IL1RAPL1: variants seen among roughly 807,000 people sequenced by gnomAD.
IL1RAPL1 encodes the protein interleukin-1 receptor accessory protein-like 1.
In IL1RAPL1, 3 loss-of-function variants were observed where a neutral mutation model predicts 48.4. The observed-to-expected ratio is 0.06, with a 90% confidence interval of 0.03 to 0.16. The LOEUF (loss-of-function observed/expected upper bound fraction) is 0.16. Among genes scored for constraint, IL1RAPL1 ranks in the 10% least tolerant of loss-of-function variants. The pLI is 1.00. For synonymous variants in IL1RAPL1, 185 were observed against 187.7 expected (o/e 0.99, Z 0.12); for missense variants, 349 against 530.6 (o/e 0.66, Z 3.36).
chrX:29,257,394 T>G (rs1931775659), intron 2 of IL1RAPL1, among the ~76,000 whole-genome samples: 1 of 111,866 alleles, frequency 8.9e-6, no homozygotes, highest in Admixed American at 9.5e-5. Flanking sequence ...TGCATTTATC[T>G]ATTTACATCT....
intron 2 of IL1RAPL1, among the ~76,000 whole-genome samples, chrX:29,170,472 C>G (rs1199717420): frequency 9.0e-6 from 1 of 111,502 alleles, no homozygotes; most frequent in Non-Finnish European, 1.9e-5. Context: ...GACTTGCAAC[C>G]TGTTTTTCTG....
chrX:28,757,113 T>G lies in IL1RAPL1; in HGVS notation c.-24-32207T>G, dbSNP rs975695600. Among the ~76,000 whole-genome samples, 7 of 112,608 alleles carry G rather than the reference T, an allele frequency of 6.2e-5. No homozygotes were observed. The Admixed American group carries it at 6.6e-4, about 11-fold the overall frequency. Reference sequence around the variant, plus strand: ...CCCATGAAGGAAGTTATTTCTTTCTTTATCCTTCAATTTCTTTACCTTGCA... The same window carrying G: ...CCCATGAAGGAAGTTATTTCTTTCTGTATCCTTCAATTTCTTTACCTTGCA... On this transcript the variant is annotated intron_variant, in intron 1 of 10. Coordinates refer to ENST00000378993, the MANE Select transcript of IL1RAPL1 (RefSeq NM_014271.4).
At chrX:29,498,759 T>C (rs986398950) in intron 5 of IL1RAPL1, among the ~76,000 whole-genome samples, 1 of 111,832 alleles carries the variant, frequency 8.9e-6, no homozygotes, top group African/African-American at 3.2e-5. Context: ...AATAAACATA[T>C]TGTTTTTTGT....
At chrX:29,825,557 C>T (rs371696284) in intron 6 of IL1RAPL1, among the ~76,000 whole-genome samples, 2 of 111,506 alleles carry the variant, frequency 1.8e-5, no homozygotes, top group South Asian at 7.5e-4. Context: ...AGCTCAACAG[C>T]GGATGCTCTG....
At chrX:29,071,278 T>G (rs1045678942) in intron 2 of IL1RAPL1, among the ~76,000 whole-genome samples, 2 of 111,440 alleles carry the variant, frequency 1.8e-5, no homozygotes, top group African/African-American at 6.5e-5. Flanking sequence ...AAAGAGTTGT[T>G]TGTTTTTCAA....
chrX:28,876,484 T>C (rs941704491), intron 2 of IL1RAPL1, among the ~76,000 whole-genome samples: 10 of 111,376 alleles, frequency 9.0e-5, no homozygotes, highest in Non-Finnish European at 1.9e-4. Flanking sequence ...GAGGAACAAA[T>C]TAGCCATCAG....
intron 3 of IL1RAPL1, among the ~76,000 whole-genome samples, chrX:29,297,464 T>G (rs1932466090): frequency 8.9e-6 from 1 of 112,579 alleles, no homozygotes; most frequent in African/African-American, 3.2e-5. Context: ...TATTTAATTT[T>G]AAATAGCCAC....
intron 3 of IL1RAPL1, among the ~76,000 whole-genome samples, chrX:29,364,473 G>A (rs1037680372): frequency 9.5e-6 from 1 of 105,782 alleles, no homozygotes; most frequent in Non-Finnish European, 1.9e-5. Context: ...TTAGGCAGGA[G>A]AGTTGCTTGA....
chrX:28,785,942 G>A (rs1936468451), intron 1 of IL1RAPL1, among the ~76,000 whole-genome samples: 2 of 111,517 alleles, frequency 1.8e-5, no homozygotes, highest in South Asian at 7.4e-4. Context: ...AAATTGAACT[G>A]CATATAATAG....
chrX:29,949,236 A>T (rs66495425), intron 9 of IL1RAPL1, among the ~76,000 whole-genome samples: 22,505 of 111,126 alleles, frequency 0.2, 1,862 homozygotes, highest in African/African-American at 0.29. Context: ...TTTTAAATTC[A>T]TATTTTTTAT....
At chrX:28,795,753 G>C (rs955947440) in intron 2 of IL1RAPL1, among the ~76,000 whole-genome samples, 9 of 110,531 alleles carry the variant, frequency 8.1e-5, no homozygotes, top group African/African-American at 2.6e-4. Context: ...ATATAAGTGT[G>C]GTACTGTATT....
At chrX:28,650,545 G>A (rs1258112357) in intron 1 of IL1RAPL1, among the ~76,000 whole-genome samples, 2 of 111,836 alleles carry the variant, frequency 1.8e-5, no homozygotes, top group African/African-American at 6.5e-5. Flanking sequence ...AATTCAAGAT[G>A]AGATTTGGGT....
chrX:29,894,500 T>C (rs543164224), intron 6 of IL1RAPL1, among the ~76,000 whole-genome samples: 21 of 112,318 alleles, frequency 1.9e-4, no homozygotes, highest in African/African-American at 6.1e-4. Flanking sequence ...ACTAGATAAA[T>C]CATCAACGTT....
At chrX:29,782,625 G>A (rs145964739) in intron 6 of IL1RAPL1, among the ~76,000 whole-genome samples, 348 of 111,253 alleles carry the variant, frequency 3.1e-3, no homozygotes, top group African/African-American at 0.011. Context: ...TGGAAAAACT[G>A]GGCAGAAGTA....
At chrX:29,823,110 CTTTG>C (rs1220322126) in intron 6 of IL1RAPL1, among the ~76,000 whole-genome samples, 1 of 111,688 alleles carries the variant, frequency 9.0e-6, no homozygotes, top group Non-Finnish European at 1.9e-5. Context: ...GAAGTTTGAT[CTTTG>C]TTTGGGAGGC....
At chrX:28,684,104 A>C (rs754588909) in intron 1 of IL1RAPL1, among the ~76,000 whole-genome samples, 1 of 112,634 alleles carries the variant, frequency 8.9e-6, no homozygotes, top group African/African-American at 3.2e-5. Flanking sequence ...ATAAAGAAAG[A>C]AACAAATTAT....
At chrX:29,503,635 ATTATT>A (rs1935298096) in intron 5 of IL1RAPL1, among the ~76,000 whole-genome samples, 1 of 110,562 alleles carries the variant, frequency 9.0e-6, no homozygotes, top group Non-Finnish European at 1.9e-5. Flanking sequence ...ATGTTGCTAA[ATTATT>A]TTTATTTTTA....
intron 6 of IL1RAPL1, among the ~76,000 whole-genome samples, chrX:29,859,848 C>A (rs1322538426): frequency 9.0e-6 from 1 of 111,676 alleles, no homozygotes; most frequent in East Asian, 2.8e-4. Context: ...TGAATGTCTT[C>A]TAGAAGTTAC....
At chrX:29,191,664 GC>G (rs762558106) in intron 2 of IL1RAPL1, among the ~76,000 whole-genome samples, 1 of 111,702 alleles carries the variant, frequency 9.0e-6, no homozygotes, top group Admixed American at 9.6e-5. Context: ...AATAAAGGGG[GC>G]AGCAGAGTGT....
Sources: allele counts gnomAD v4.1 joint callset (sites outside exome capture counted in the v4.1 genomes callset), GRCh38; gene constraint gnomAD v4.1.1; transcripts MANE v1.5; gene names NCBI Gene and HGNC (gene_info 2026-07-23, HGNC 2026-07-21).